PCDHGA3: variants seen among roughly 807,000 people sequenced by gnomAD.
PCDHGA3 encodes protocadherin gamma-A3.
Under a neutral mutation model 58.5 loss-of-function variants are expected in PCDHGA3, and 40 were observed. The observed-to-expected ratio is 0.68, with a 90% confidence interval of 0.53 to 0.89. The LOEUF is 0.89. Ranked by LOEUF, PCDHGA3 falls within the 40% of genes least tolerant of loss-of-function variation. The pLI is 0.00. For missense variants in PCDHGA3, 1,223 were observed against 1,195.9 expected (o/e 1.02, Z -0.33); for synonymous variants, 530 against 525.7 (o/e 1.01, Z -0.11).
chr5:141,402,684 A>G (rs2094294341), intron 1 of PCDHGA3, among the ~76,000 whole-genome samples: 1 of 152,144 alleles, frequency 6.6e-6, no homozygotes, highest in African/African-American at 2.4e-5. Context: ...ATCTGATATA[A>G]TGTTACACAT....
In PCDHGA3 at chr5:141,345,019, C is replaced by G; in HGVS notation, c.986C>G (p.Ser329Ter). ...IEAQDGPGLL[S>*]RAKILVTVLD... ...GCACAGGATGGACCAGGTCTTCTTT[C>G]AAGAGCCAAGATTCTAGTCACGGTT... Residue 329 changes from serine (S) to a stop codon, truncating the protein, a stop_gained, in exon 1 of 4, where the codon TCA becomes TGA. Transcript: ENST00000253812. LOFTEE classifies it high-confidence loss of function. 6.2e-7 allele frequency: 1 copy of G among 1,613,938 alleles called. No homozygotes were observed. Among genetic ancestry groups the G allele is most frequent in the Non-Finnish European group, 8.5e-7 (1 of 1,179,864 alleles).
At chr5:141,452,912 A>T (rs1301567203) in intron 1 of PCDHGA3, among the ~76,000 whole-genome samples, 1 of 152,228 alleles carries the variant, frequency 6.6e-6, no homozygotes, top group African/African-American at 2.4e-5. Flanking sequence ...GGCATTATAC[A>T]GTAAGAAAGA....
rs1355845145 is a variant in PCDHGA3 at position 141,356,939 on chromosome 5, G to A, written c.2424+10482G>A. 2 of 1,614,232 alleles carry A rather than the reference G, an allele frequency of 1.2e-6. No homozygotes were observed. The highest frequency in any genetic ancestry group is 1.7e-6 in the Non-Finnish European group (2 of 1,180,038). ...TCCACTGGTGTGGAGCTGGCACCCC[G>A]CTCCGCAGATTCCGGCTACCTGGTG... On this transcript the variant is annotated intron_variant, in intron 1 of 3. Coordinates refer to ENST00000253812, the MANE Select transcript of PCDHGA3 (RefSeq NM_018916.4).
chr5:141,438,641 C>CAT (rs2098042490), intron 1 of PCDHGA3, among the ~76,000 whole-genome samples: 2 of 79,354 alleles, frequency 2.5e-5, no homozygotes, highest in Non-Finnish European at 4.5e-5. Context: ...TATATACACA[C>CAT]ACACACACAC....
intron 1 of PCDHGA3, chr5:141,484,858 T>A: frequency 4.1e-6 from 1 of 245,806 alleles, no homozygotes; most frequent in Non-Finnish European, 7.8e-6. Context: ...TTTTGGGGGG[T>A]GGGGGAGCGT....
chr5:141,413,548 A>G, intron 1 of PCDHGA3: 1 of 1,613,946 alleles, frequency 6.2e-7, no homozygotes, highest in Non-Finnish European at 8.5e-7. Context: ...TGGGATAGAA[A>G]TAGAAGTAAC....
At chr5:141,404,882 G>T (rs1380203392) in intron 1 of PCDHGA3, 3 of 1,613,772 alleles carry the variant, frequency 1.9e-6, no homozygotes, top group Non-Finnish European at 2.5e-6. Context: ...GAGCCTTGTG[G>T]TGGCTGTACA....
At chr5:141,393,458 G>C in intron 1 of PCDHGA3, 1 of 1,614,020 alleles carries the variant, frequency 6.2e-7, no homozygotes, top group Non-Finnish European at 8.5e-7. Flanking sequence ...TCACGGCCTC[G>C]GATGGCGGCA....
At chr5:141,466,296 A>G (rs2099120415) in intron 1 of PCDHGA3, among the ~76,000 whole-genome samples, 1 of 152,136 alleles carries the variant, frequency 6.6e-6, no homozygotes. Flanking sequence ...TCAGGCTCCC[A>G]AGTAGCTGGG....
intron 1 of PCDHGA3, chr5:141,364,142 A>C (rs1588593091): frequency 3.9e-6 from 2 of 513,968 alleles, no homozygotes; most frequent in South Asian, 1.1e-4. Context: ...CCAAAGTGGG[A>C]AAGAAGCTGC....
intron 2 of PCDHGA3, among the ~76,000 whole-genome samples, chr5:141,499,029 A>G (rs140948405): frequency 1.5e-3 from 205 of 140,068 alleles, no homozygotes; most frequent in African/African-American, 5.5e-3. Context: ...AGGAAGGAAG[A>G]AAAGAAAGAA....
intron 1 of PCDHGA3, chr5:141,355,008 C>T (rs959780132): frequency 5.0e-6 from 4 of 807,362 alleles, no homozygotes; most frequent in Admixed American, 3.6e-5. Context: ...AAAGACAAAC[C>T]AGAAATTTAA....
At chr5:141,366,664 G>T (rs1477897734) in intron 1 of PCDHGA3, 2 of 1,614,118 alleles carry the variant, frequency 1.2e-6, no homozygotes, top group African/African-American at 1.3e-5. Context: ...ACGCAGACAC[G>T]CTCCTTAGTG....
intron 1 of PCDHGA3, chr5:141,403,178 T>C (rs1294905670): frequency 6.2e-7 from 1 of 1,613,980 alleles, no homozygotes; most frequent in Middle Eastern, 1.7e-4. Flanking sequence ...GCAGCTTTTC[T>C]CTCTGAACCC....
intron 1 of PCDHGA3, chr5:141,385,234 C>T: frequency 1.2e-6 from 2 of 1,614,178 alleles, no homozygotes; most frequent in African/African-American, 1.3e-5. Context: ...TGTAGACATG[C>T]TCATCAGCCA....
chr5:141,508,790 C>T (rs1181979966), intron 3 of PCDHGA3, among the ~76,000 whole-genome samples: 1 of 152,072 alleles, frequency 6.6e-6, no homozygotes, highest in African/African-American at 2.4e-5. Flanking sequence ...CCCTAAATCA[C>T]TCTGGAATCC....
At chr5:141,390,867 CGT>C (rs61319619) in intron 1 of PCDHGA3, 8,912 of 150,888 alleles carry the variant, frequency 0.059, 387 homozygotes, top group African/African-American at 0.12. Context: ...GCTGTGTGTG[CGT>C]GTGTGTGTGT....
chr5:141,350,919 G>C (rs764794387), intron 1 of PCDHGA3: 1 of 1,614,098 alleles, frequency 6.2e-7, no homozygotes, highest in East Asian at 2.2e-5. Context: ...CCGCCTCTAA[G>C]CGGCACCACC....
chr5:141,400,699 A>G (rs1040547233), intron 1 of PCDHGA3: 1 of 733,556 alleles, frequency 1.4e-6, no homozygotes, highest in Non-Finnish European at 2.2e-6. Flanking sequence ...TATGTCGCAT[A>G]AAAGAAGTAG....
Sources: gnomAD v4.1 joint callset for allele counts (sites outside exome capture counted in the v4.1 genomes callset) on GRCh38, gnomAD v4.1.1 for gene constraint, MANE v1.5 for transcripts, NCBI Gene and HGNC (gene_info 2026-07-23, HGNC 2026-07-21) for gene names.